PKIB: variants seen among roughly 807,000 people sequenced by gnomAD.
PKIB encodes PKI-beta.
In PKIB, 2 loss-of-function variants were observed where a neutral mutation model predicts 4.5. The observed-to-expected ratio is 0.44, with a 90% confidence interval of 0.18 to 1.39. PKIB has a LOEUF of 1.39. Among genes scored for constraint, PKIB ranks in the 40% most tolerant of loss-of-function variants. PKIB has a pLI of 0.27. For synonymous variants in PKIB, 38 were observed against 36.0 expected (o/e 1.06, Z -0.20); for missense variants, 94 against 92.6 (o/e 1.02, Z -0.06).
upstream of PKIB, among the ~76,000 whole-genome samples, chr6:122,607,313 A>AAAAAC (rs559171249): frequency 6.0e-3 from 907 of 152,048 alleles, 5 homozygotes; most frequent in Non-Finnish European, 9.2e-3. Context: ...GTCTCTACAA[A>AAAAAC]AAAACAAAAC....
At chr6:122,536,790 AAGAG>A (rs68142096) in intron 2 of PKIB, among the ~76,000 whole-genome samples, 20,271 of 151,890 alleles carry the variant, frequency 0.13, 1,467 homozygotes, top group East Asian at 0.25. Flanking sequence ...TAAAAAATAA[AAGAG>A]AGAAAAACAA....
chr6:122,617,112 A>G (rs909275943), intron 1 of PKIB, among the ~76,000 whole-genome samples: 40 of 152,152 alleles, frequency 2.6e-4, no homozygotes, highest in African/African-American at 9.7e-4. Flanking sequence ...CATTCTCAAT[A>G]TCCCTTGTAA....
intron 2 of PKIB, among the ~76,000 whole-genome samples, chr6:122,577,418 A>G (rs971274340): frequency 6.6e-6 from 1 of 152,192 alleles, no homozygotes; most frequent in African/African-American, 2.4e-5. Flanking sequence ...AATTCATTAC[A>G]CTGCTTTTCA....
chr6:122,533,786 T>C (rs1453173755), intron 2 of PKIB, among the ~76,000 whole-genome samples: 1 of 152,184 alleles, frequency 6.6e-6, no homozygotes, highest in Non-Finnish European at 1.5e-5. Context: ...TCCTTTCTCA[T>C]GGGTCTGCGT....
At chr6:122,631,559 G>A (rs1055987657) in intron 1 of PKIB, among the ~76,000 whole-genome samples, 18 of 152,146 alleles carry the variant, frequency 1.2e-4, no homozygotes, top group South Asian at 2.1e-4. Flanking sequence ...TTCAGGGAGC[G>A]TAATAACCGT....
intron 3 of PKIB, among the ~76,000 whole-genome samples, chr6:122,591,190 C>T (rs551446166): frequency 6.8e-6 from 1 of 147,284 alleles, no homozygotes; most frequent in African/African-American, 2.5e-5. Flanking sequence ...TAATTCCTAT[C>T]TCTCGACACA....
intron 4 of PKIB, among the ~76,000 whole-genome samples, chr6:122,722,615 C>T (rs1404823813): frequency 6.6e-6 from 1 of 152,144 alleles, no homozygotes; most frequent in Non-Finnish European, 1.5e-5. Flanking sequence ...TTTTGTATTT[C>T]ATATGGTTAT....
chr6:122,508,075 T>C (rs967565295), intron 2 of PKIB, among the ~76,000 whole-genome samples: 5 of 152,220 alleles, frequency 3.3e-5, no homozygotes, highest in Non-Finnish European at 7.3e-5. Context: ...ATGCTTGTGT[T>C]GTGTTTAATG....
At chr6:122,562,382 T>C (rs1773062443) in intron 2 of PKIB, among the ~76,000 whole-genome samples, 1 of 152,182 alleles carries the variant, frequency 6.6e-6, no homozygotes, top group Non-Finnish European at 1.5e-5. Context: ...CTCACAGCTG[T>C]TAAGATTTTT....
chr6:122,528,426 A>T (rs1777159257), intron 2 of PKIB, among the ~76,000 whole-genome samples: 1 of 152,176 alleles, frequency 6.6e-6, no homozygotes, highest in African/African-American at 2.4e-5. Context: ...GGCTTAAGCA[A>T]TACAAATTCA....
intron 3 of PKIB, among the ~76,000 whole-genome samples, chr6:122,706,180 T>C (rs938575000): frequency 6.6e-6 from 1 of 152,214 alleles, no homozygotes; most frequent in African/African-American, 2.4e-5. Flanking sequence ...TCTGTGTGTG[T>C]TCTACAGCCT....
chr6:122,549,091 G>A (rs2114651498), intron 2 of PKIB, among the ~76,000 whole-genome samples: 1 of 152,200 alleles, frequency 6.6e-6, no homozygotes, highest in Admixed American at 6.5e-5. Context: ...CCCCTTTGAG[G>A]CTGAATCATG....
chr6:122,539,533 T>C lies in PKIB; in HGVS notation c.-247-46388T>C, dbSNP rs185957788. ...AGCCTTGCATCCCAGGGATGAAGCC[T>C]ACTTGATCATGGTGGATAAGCTTTT... is the stretch of plus-strand genomic sequence containing the variant. On this transcript the variant is annotated intron_variant, in intron 2 of 6. Coordinates refer to the PKIB transcript ENST00000392491. Among the ~76,000 whole-genome samples the C allele has an allele frequency of 1.3e-3, 205 of 152,128 alleles. 4 individuals are homozygous for C. Among genetic ancestry groups the C allele is most frequent in the African/African-American group, 4.7e-3 (195 of 41,442 alleles).
chr6:122,525,130 A>C (rs141380395), intron 2 of PKIB, among the ~76,000 whole-genome samples: 1 of 151,838 alleles, frequency 6.6e-6, no homozygotes, highest in African/African-American at 2.4e-5. Flanking sequence ...GCATTACATA[A>C]ATTTTGGTAT....
chr6:122,635,712 T>A (rs1775894302), intron 2 of PKIB, among the ~76,000 whole-genome samples: 1 of 152,062 alleles, frequency 6.6e-6, no homozygotes. Context: ...TTAAAGTGAT[T>A]TCATAGTCTT....
intron 3 of PKIB, among the ~76,000 whole-genome samples, chr6:122,687,468 G>A (rs1439051035): frequency 2.6e-5 from 4 of 151,944 alleles, no homozygotes; most frequent in East Asian, 1.9e-4. Context: ...TTGTGGTTCC[G>A]TATAAATTTT....
intron 1 of PKIB, among the ~76,000 whole-genome samples, chr6:122,473,630 C>T (rs578036157): frequency 6.6e-6 from 1 of 152,266 alleles, no homozygotes; most frequent in African/African-American, 2.4e-5. Context: ...GTCTTCGACA[C>T]CAGTCTCATT....
intron 3 of PKIB, among the ~76,000 whole-genome samples, chr6:122,685,099 T>G (rs917316702): frequency 6.6e-6 from 1 of 152,176 alleles, no homozygotes; most frequent in African/African-American, 2.4e-5. Context: ...CCCCCGGTCA[T>G]AGACAGTGAT....
chr6:122,709,615 G>C (rs559794622), intron 3 of PKIB, among the ~76,000 whole-genome samples: 1 of 151,864 alleles, frequency 6.6e-6, no homozygotes, highest in Non-Finnish European at 1.5e-5. Flanking sequence ...TTTCAGAAGT[G>C]GAATAAATAT....
Sources: gnomAD v4.1 joint callset for allele counts (sites outside exome capture counted in the v4.1 genomes callset) on GRCh38, gnomAD v4.1.1 for gene constraint, MANE v1.5 for transcripts, NCBI Gene and HGNC (gene_info 2026-07-23, HGNC 2026-07-21) for gene names.